CPED1: variants seen among roughly 807,000 people sequenced by gnomAD.
The protein encoded by CPED1 is cadherin-like and PC-esterase domain-containing protein 1.
A neutral mutation model predicts 128.2 loss-of-function variants in CPED1; 114 were observed. The ratio of observed to expected loss-of-function variants is 0.89; its 90% CI spans 0.76 to 1.04. CPED1 has a LOEUF of 1.04. Ranked by LOEUF, CPED1 falls within the 50% of genes least tolerant of loss-of-function variation. CPED1 has a pLI of 0.00. For synonymous variants in CPED1, 462 were observed against 426.7 expected (o/e 1.08, Z -1.02); for missense variants, 1,211 against 1,207.1 (o/e 1.00, Z -0.05).
chr7:121,247,102 G>C (rs1798557536), intron 18 of CPED1, among the ~76,000 whole-genome samples: 1 of 152,138 alleles, frequency 6.6e-6, no homozygotes, highest in African/African-American at 2.4e-5. Flanking sequence ...GCTCTTTAGG[G>C]GTAATAAAAA....
At chr7:121,086,073 G>A (rs1269539428) in intron 5 of CPED1, among the ~76,000 whole-genome samples, 1 of 152,154 alleles carries the variant, frequency 6.6e-6, no homozygotes, top group Admixed American at 6.5e-5. Context: ...TGAGTAGAAA[G>A]GTTATGCTTA....
chr7:121,202,396 C>G (rs1005927714), intron 16 of CPED1, among the ~76,000 whole-genome samples: 1 of 152,126 alleles, frequency 6.6e-6, no homozygotes, highest in East Asian at 1.9e-4. Context: ...GCTATGCTCC[C>G]TGCTTCCCAA....
At chr7:121,175,925 G>A (rs1796765645) in intron 16 of CPED1, among the ~76,000 whole-genome samples, 1 of 152,136 alleles carries the variant, frequency 6.6e-6, no homozygotes, top group Non-Finnish European at 1.5e-5. Context: ...GCTGGACCAA[G>A]GGATATGGTT....
At chr7:121,040,046 G>A (rs1585033786) in intron 3 of CPED1, among the ~76,000 whole-genome samples, 1 of 151,964 alleles carries the variant, frequency 6.6e-6, no homozygotes, top group East Asian at 1.9e-4. Context: ...CCCTAGTATG[G>A]GTTTAGGCCA....
intron 3 of CPED1, among the ~76,000 whole-genome samples, chr7:121,046,229 TATC>T (rs1273236520): frequency 5.3e-5 from 8 of 152,186 alleles, no homozygotes; most frequent in African/African-American, 1.9e-4. Flanking sequence ...ATAGCTGAAA[TATC>T]ATTTGCTTTC....
At chr7:121,282,510 T>A (rs1792483047) in intron 22 of CPED1, among the ~76,000 whole-genome samples, 1 of 152,168 alleles carries the variant, frequency 6.6e-6, no homozygotes, top group East Asian at 1.9e-4. Flanking sequence ...GGAATAACAT[T>A]TCCAAGCCTT....
intron 16 of CPED1, among the ~76,000 whole-genome samples, chr7:121,195,954 A>T (rs964382236): frequency 5.3e-5 from 8 of 151,582 alleles, no homozygotes; most frequent in African/African-American, 1.9e-4. Flanking sequence ...TGCCTTGACT[A>T]TAACACATAA....
At chr7:121,293,665 C>T (rs918660352) in intron 22 of CPED1, among the ~76,000 whole-genome samples, 3 of 152,130 alleles carry the variant, frequency 2.0e-5, no homozygotes, top group East Asian at 1.9e-4. Context: ...TCCTGGTCTG[C>T]GGGTTGCGAA....
intron 16 of CPED1, among the ~76,000 whole-genome samples, chr7:121,169,640 C>G (rs1796606587): frequency 1.3e-5 from 2 of 152,016 alleles, no homozygotes; most frequent in Admixed American, 6.5e-5. Context: ...ACTCGTGTAT[C>G]CCAGTGCCTG....
chr7:121,108,480 G>C lies in CPED1; in HGVS notation c.918+8386G>C, dbSNP rs79149543. On this transcript the variant is annotated intron_variant, in intron 7 of 22. Coordinates refer to ENST00000310396, the MANE Select transcript of CPED1 (RefSeq NM_024913.5). ...TATGTTAAGAAAATTCATTCTTCCAGCTCAAATTCATATCATAAAATATAA... is the reference window on the plus strand; with the variant it reads ...TATGTTAAGAAAATTCATTCTTCCACCTCAAATTCATATCATAAAATATAA... Among the ~76,000 whole-genome samples, 103 of 152,116 alleles carry C rather than the reference G, an allele frequency of 6.8e-4. No individual in the cohort carries two copies. The East Asian group carries it at 0.017, about 26-fold the overall frequency.
At chr7:121,206,481 T>C (rs1420349287) in intron 16 of CPED1, among the ~76,000 whole-genome samples, 1 of 152,058 alleles carries the variant, frequency 6.6e-6, no homozygotes, top group Non-Finnish European at 1.5e-5. Flanking sequence ...CTTTTAATAA[T>C]GGTTGTTTTA....
chr7:121,108,205 C>T (rs913018433), intron 7 of CPED1, among the ~76,000 whole-genome samples: 2 of 151,904 alleles, frequency 1.3e-5, no homozygotes, highest in Non-Finnish European at 2.9e-5. Flanking sequence ...AGCATTTTTC[C>T]CCCATTGGAT....
intron 17 of CPED1, among the ~76,000 whole-genome samples, chr7:121,241,749 T>C (rs1584624687): frequency 6.6e-6 from 1 of 152,186 alleles, no homozygotes; most frequent in Admixed American, 6.5e-5. Flanking sequence ...TTTGGAACAA[T>C]TGTGGCTCAC....
chr7:121,213,499 CTCT>C (rs1797693273), intron 16 of CPED1, among the ~76,000 whole-genome samples: 1 of 152,018 alleles, frequency 6.6e-6, no homozygotes, highest in African/African-American at 2.4e-5. Flanking sequence ...TGTACCTTAT[CTCT>C]TCTTTAGCTT....
chr7:121,132,415 A>G (rs754132469), intron 12 of CPED1, among the ~76,000 whole-genome samples: 1 of 151,992 alleles, frequency 6.6e-6, no homozygotes, highest in Non-Finnish European at 1.5e-5. Flanking sequence ...TGTCAACTTT[A>G]TGGATGTACA....
intron 16 of CPED1, among the ~76,000 whole-genome samples, chr7:121,205,409 G>T (rs1797495789): frequency 6.6e-6 from 1 of 151,730 alleles, no homozygotes; most frequent in African/African-American, 2.4e-5. Context: ...TTTTCACATT[G>T]TTGAAAGATT....
chr7:121,129,984 A>G lies in CPED1; in HGVS notation c.1408-141A>G, dbSNP rs560643081. ...GGCATTTACATCAACAACTTTGCAG[A>G]AAACTAATTTATGGTACTGACCAAT... On this transcript the variant is annotated intron_variant, in intron 11 of 22. Coordinates refer to ENST00000310396, the MANE Select transcript of CPED1 (RefSeq NM_024913.5). 12 of 654,420 alleles carry G rather than the reference A, an allele frequency of 1.8e-5. No individual in the cohort carries two copies. In the Admixed American group the frequency reaches 4.2e-4, roughly 23 times the overall value. 40.5% of individuals were successfully genotyped at this position (654,420 alleles called of 1,614,324 possible).
Position 121,284,270 on chromosome 7 carries a change from C to T in CPED1, c.2869-11170C>T, listed in dbSNP as rs539928260. Among the ~76,000 whole-genome samples the T allele has an allele frequency of 2.4e-3, 367 of 152,276 alleles. 2 individuals carry two copies. The highest frequency in any genetic ancestry group is 8.1e-3 in the African/African-American group (338 of 41,560). On this transcript the variant is annotated intron_variant, in intron 22 of 22. Coordinates refer to ENST00000310396, the MANE Select transcript of CPED1 (RefSeq NM_024913.5). ...GGAGATAACCATTATTAATACCTCC[C>T]ACGAGGTCCCTCTCATAACACGTGT... is the stretch of plus-strand genomic sequence containing the variant.
intron 22 of CPED1, among the ~76,000 whole-genome samples, chr7:121,280,216 A>G (rs940626632): frequency 6.6e-6 from 1 of 152,234 alleles, no homozygotes; most frequent in Non-Finnish European, 1.5e-5. Flanking sequence ...TAAGACTAGT[A>G]CAGGTCATTC....
Sources: gnomAD v4.1 joint callset for allele counts (sites outside exome capture counted in the v4.1 genomes callset) on GRCh38, gnomAD v4.1.1 for gene constraint, MANE v1.5 for transcripts, NCBI Gene and HGNC (gene_info 2026-07-23, HGNC 2026-07-21) for gene names.